The following RTL4 variants were observed in gnomAD, a reference collection of about 807,000 sequenced individuals.
RTL4 encodes retrotransposon Gag-like protein 4.
Under a neutral mutation model 5.3 loss-of-function variants are expected in RTL4, and 4 were observed. The observed-to-expected ratio is 0.75, with a 90% CI of 0.37 to 1.72. The LOEUF (loss-of-function observed/expected upper bound fraction) is 1.72. Ranked by LOEUF, RTL4 falls within the 40% of genes most tolerant of loss-of-function variation. The pLI, the probability that RTL4 is intolerant of heterozygous loss-of-function variation, is 0.04. For synonymous variants in RTL4, 98 were observed against 87.3 expected (o/e 1.12, Z -0.68); for missense variants, 260 against 227.1 (o/e 1.14, Z -0.93).
chrX:112,147,428 A>C, the RTL4 span, among the ~76,000 whole-genome samples: 1 of 111,276 alleles, frequency 9.0e-6, no homozygotes, highest in African/African-American at 3.3e-5. Context: ...CTGAAATTAC[A>C]GCGTGGTTGG....
chrX:112,398,439 G>T, the RTL4 span, among the ~76,000 whole-genome samples: 2 of 80,418 alleles, frequency 2.5e-5, no homozygotes, highest in Admixed American at 1.9e-4. Flanking sequence ...TCCCTCTGTC[G>T]CCCAGGCTGG....
At chrX:112,254,801 A>G in the RTL4 span, among the ~76,000 whole-genome samples, 41 of 111,878 alleles carry the variant, frequency 3.7e-4, no homozygotes, top group African/African-American at 1.3e-3. Context: ...AGATGAAGTC[A>G]TGACTCTCAT....
the RTL4 span, among the ~76,000 whole-genome samples, chrX:112,236,475 AGATATAGATCTATAT>A: frequency 3.7e-5 from 3 of 82,036 alleles, no homozygotes; most frequent in African/African-American, 1.5e-4. Flanking sequence ...ATCTATATAT[AGATATAGATCTATAT>A]CTATATATAG....
the RTL4 span, among the ~76,000 whole-genome samples, chrX:112,242,076 C>T: frequency 9.0e-6 from 1 of 111,703 alleles, no homozygotes; most frequent in East Asian, 2.8e-4. Context: ...GGTACCAGTA[C>T]CATGCTGTTT....
the RTL4 span, among the ~76,000 whole-genome samples, chrX:112,349,358 C>CT: frequency 9.0e-6 from 1 of 110,508 alleles, no homozygotes; most frequent in African/African-American, 3.3e-5. Flanking sequence ...AGCATAAAGC[C>CT]TTTTTTTTCT....
chrX:112,101,846 A>G, the RTL4 span, among the ~76,000 whole-genome samples: 1 of 110,695 alleles, frequency 9.0e-6, no homozygotes, highest in Non-Finnish European at 1.9e-5. Flanking sequence ...ACAGAGACAT[A>G]AGGAAGAAGC....
At chrX:112,126,670 C>T in the RTL4 span, among the ~76,000 whole-genome samples, 1 of 111,563 alleles carries the variant, frequency 9.0e-6, no homozygotes, top group East Asian at 2.8e-4. Context: ...TTTAAGTAGG[C>T]TGACTAAAAT....
chrX:112,319,560 ATTTAT>A, the RTL4 span, among the ~76,000 whole-genome samples: 1 of 111,657 alleles, frequency 9.0e-6, no homozygotes, highest in East Asian at 2.8e-4. Flanking sequence ...GTTTATATGA[ATTTAT>A]ACACCCAGAT....
At chrX:112,275,435 T>C in the RTL4 span, among the ~76,000 whole-genome samples, 1 of 111,617 alleles carries the variant, frequency 9.0e-6, no homozygotes, top group Admixed American at 9.5e-5. Flanking sequence ...TCTTCTCCGA[T>C]AGGTAATTCA....
chrX:112,309,783 C>CAT, the RTL4 span, among the ~76,000 whole-genome samples: 16 of 108,040 alleles, frequency 1.5e-4, no homozygotes, highest in African/African-American at 5.2e-4. Flanking sequence ...TACACATACA[C>CAT]ATATATATAC....
the RTL4 span, among the ~76,000 whole-genome samples, chrX:112,167,729 G>C: frequency 9.3e-6 from 1 of 107,426 alleles, no homozygotes; most frequent in Non-Finnish European, 1.9e-5. Context: ...GTGTAAATGA[G>C]ATATTGAAAT....
At chrX:112,296,119 A>G in the RTL4 span, among the ~76,000 whole-genome samples, 1 of 111,553 alleles carries the variant, frequency 9.0e-6, no homozygotes, top group Non-Finnish European at 1.9e-5. Context: ...CTCAGAGGAC[A>G]TAAGACCATT....
the RTL4 span, among the ~76,000 whole-genome samples, chrX:112,138,759 A>G: frequency 8.9e-6 from 1 of 111,857 alleles, no homozygotes; most frequent in Non-Finnish European, 1.9e-5. Context: ...TTAAATTATT[A>G]ACAAATAACT....
chrX:112,110,038 G>A, the RTL4 span, among the ~76,000 whole-genome samples: 11 of 112,053 alleles, frequency 9.8e-5, no homozygotes, highest in Admixed American at 9.5e-4. Flanking sequence ...GCCCGAAGGC[G>A]AGTAATAGCA....
At chrX:112,300,741 C>T in the RTL4 span, among the ~76,000 whole-genome samples, 1 of 112,311 alleles carries the variant, frequency 8.9e-6, no homozygotes, top group Non-Finnish European at 1.9e-5. Flanking sequence ...AAAACAGATT[C>T]GCATCCATCG....
chrX:112,354,347 T>C, the RTL4 span, among the ~76,000 whole-genome samples: 1 of 111,391 alleles, frequency 9.0e-6, no homozygotes, highest in Non-Finnish European at 1.9e-5. Flanking sequence ...GATGGCAATA[T>C]AATAGTACCT....
chrX:112,340,291 CT>C, the RTL4 span, among the ~76,000 whole-genome samples: 806 of 111,277 alleles, frequency 7.2e-3, 10 homozygotes, highest in African/African-American at 0.025. Context: ...CAGAAAGGAT[CT>C]GTTTATGCAT....
the RTL4 span, among the ~76,000 whole-genome samples, chrX:112,306,401 T>C: frequency 9.0e-6 from 1 of 111,540 alleles, no homozygotes; most frequent in Non-Finnish European, 1.9e-5. Flanking sequence ...GAATTTACCA[T>C]GTGTAATCTC....
the RTL4 span, among the ~76,000 whole-genome samples, chrX:112,365,066 T>C: frequency 9.0e-6 from 1 of 110,717 alleles, no homozygotes; most frequent in Admixed American, 9.6e-5. Context: ...GAGCATGGAG[T>C]AGGTGCCTAA....
Sources: gnomAD v4.1 joint callset for allele counts (sites outside exome capture counted in the v4.1 genomes callset) on GRCh38, gnomAD v4.1.1 for gene constraint, MANE v1.5 for transcripts, NCBI Gene and HGNC (gene_info 2026-07-23, HGNC 2026-07-21) for gene names.